The following ABHD3 variants were observed in gnomAD, a reference collection of about 807,000 sequenced individuals.
ABHD3 encodes the protein phospholipase ABHD3.
In ABHD3, 46 loss-of-function variants were observed where a neutral mutation model predicts 48.8. The ratio of observed to expected loss-of-function variants is 0.94; its 90% CI spans 0.74 to 1.20. The LOEUF is 1.20. ABHD3 is among the 50% of genes most tolerant of loss of function. The pLI is 0.00. For missense variants in ABHD3, 490 were observed against 497.8 expected, an observed-to-expected ratio of 0.98 and a Z score of 0.15; for synonymous variants, 192 against 183.7, an observed-to-expected ratio of 1.04 and a Z score of -0.36.
intron 3 of ABHD3, 43 bp downstream of exon 3, chr18:21,702,273 T>C (rs970623946): frequency 2.1e-6 from 3 of 1,444,630 alleles, no homozygotes; most frequent in Non-Finnish European, 2.8e-6. Flanking sequence ...TGTACTTCAT[T>C]TGGAATGGAT....
rs372196208 is a variant in ABHD3, at chr18:21,691,666, C to T, written c.510-7701G>A. 3.2e-4 allele frequency among the ~76,000 whole-genome samples: 49 copies of T among 152,102 alleles called. No individual in the cohort carries two copies. In the South Asian group the frequency reaches 9.2e-3, roughly 28 times the overall value. On this transcript the variant is annotated intron_variant, in intron 3 of 8. Transcript: ENST00000289119. The stretch of plus-strand genomic sequence containing the variant: ...ATAATTCAGGAACCTCATTATCTCC[C>T]GTTTCAACTCTTTCCCTATAAAATC...
At chr18:21,658,468 A>T (rs1210789347) in intron 6 of ABHD3, among the ~76,000 whole-genome samples, 3 of 152,152 alleles carry the variant, frequency 2.0e-5, no homozygotes, top group Admixed American at 6.6e-5. Flanking sequence ...AAATCCAGGG[A>T]AACAGCCCAT....
At chr18:21,680,053 G>A (rs374164224) in intron 4 of ABHD3, among the ~76,000 whole-genome samples, 5 of 151,920 alleles carry the variant, frequency 3.3e-5, no homozygotes, top group South Asian at 2.1e-4. Context: ...TTGCTCTGTC[G>A]TCCAGGCTGG....
At chr18:21,668,217 A>AAAAAAAAAAAG (rs1370034550) in intron 4 of ABHD3, among the ~76,000 whole-genome samples, 28 of 137,640 alleles carry the variant, frequency 2.0e-4, no homozygotes, top group Non-Finnish European at 2.8e-4. Context: ...AAAAAAAAAA[A>AAAAAAAAAAAG]AAAGAAAGAA....
At position 21,659,251 on chromosome 18, in the gene ABHD3, C is replaced by T; in HGVS notation, c.761G>A (p.Cys254Tyr). 1.9e-6 allele frequency: 3 copies of T among 1,613,980 alleles called. No homozygotes were observed. Among genetic ancestry groups the T allele is most frequent in the Non-Finnish European group, 2.5e-6 (3 of 1,179,964 alleles). ...TFSVGWNTFA[C>Y]SESLEKPLNW... ...CAGTGGTTTTTCCAATGACTCTGAG[C>T]AAGCGAAGGTGTTCCAACCAACGGA... The change falls in exon 6 of 9, where the codon TGC becomes TAC. Residue 254 changes from cysteine (C) to tyrosine (Y), a missense_variant. By Grantham distance (194) the Cys-to-Tyr change is radical (BLOSUM62 -2). Coordinates refer to ENST00000289119, the MANE Select transcript of ABHD3 (RefSeq NM_138340.5).
intron 4 of ABHD3, among the ~76,000 whole-genome samples, chr18:21,669,031 G>A (rs931576312): frequency 2.0e-5 from 3 of 151,966 alleles, no homozygotes; most frequent in Admixed American, 6.6e-5. Context: ...AGAGCACCCT[G>A]GGCAACACAG....
At chr18:21,698,846 G>A (rs981761207) in intron 3 of ABHD3, among the ~76,000 whole-genome samples, 1 of 152,198 alleles carries the variant, frequency 6.6e-6, no homozygotes, top group Non-Finnish European at 1.5e-5. Flanking sequence ...CTCCCAGACT[G>A]CTGGGATTAC....
chr18:21,674,552 T>G (rs1039328990), intron 4 of ABHD3, among the ~76,000 whole-genome samples: 1 of 152,162 alleles, frequency 6.6e-6, no homozygotes, highest in African/African-American at 2.4e-5. Context: ...CTGGTCACAA[T>G]CTTCTACGTT....
At chr18:21,680,306 G>A (rs1265777324) in intron 4 of ABHD3, among the ~76,000 whole-genome samples, 2 of 152,118 alleles carry the variant, frequency 1.3e-5, no homozygotes, top group African/African-American at 4.8e-5. Context: ...GTGAGTCACC[G>A]TGCCCAGTCT....
chr18:21,670,116 C>T (rs2039723333), intron 4 of ABHD3, among the ~76,000 whole-genome samples: 1 of 152,138 alleles, frequency 6.6e-6, no homozygotes, highest in Non-Finnish European at 1.5e-5. Flanking sequence ...TCCACCAATT[C>T]CCTTTTAGCC....
At chr18:21,691,808 A>G (rs1241695855) in intron 3 of ABHD3, among the ~76,000 whole-genome samples, 1 of 152,216 alleles carries the variant, frequency 6.6e-6, no homozygotes, top group Admixed American at 6.5e-5. Flanking sequence ...CAATCATGGG[A>G]TTGGAAGAGC....
At chr18:21,663,374 G>A (rs62090800) in intron 5 of ABHD3, among the ~76,000 whole-genome samples, 2,668 of 151,528 alleles carry the variant, frequency 0.018, 38 homozygotes, top group Non-Finnish European at 0.03. Context: ...AACTAGTTTT[G>A]GACAATGGCT....
At chr18:21,651,787 A>C in intron 8 of ABHD3, 24 bp from the exon 9 acceptor site, 1 of 1,503,062 alleles carries the variant, frequency 6.7e-7, no homozygotes, top group Non-Finnish European at 8.9e-7. Flanking sequence ...AAAACATGGC[A>C]ATAAGAGAGA....
At position 21,659,192 on chromosome 18, in the gene ABHD3, A is replaced by C; in HGVS notation, c.820T>G (p.Cys274Gly). 1 of 1,613,608 alleles carries C rather than the reference A, an allele frequency of 6.2e-7. No individual in the cohort carries two copies. The highest frequency in any genetic ancestry group is 8.5e-7 in the Non-Finnish European group (1 of 1,179,860). ...CACTTATTAACTGAAGACTGAAGGC[A>C]GGTTGTCAAATAGTAATTAAAAAGT... ...WLLFNYYLTT[C>G]LQSSVNKHRH... is the part of the protein sequence containing the mutation. Residue 274 changes from cysteine to glycine, a missense_variant, in exon 6 of 9, where the codon TGC becomes GGC. Physicochemically the swap from Cys to Gly is radical, Grantham distance 159. Coordinates refer to ENST00000289119, the MANE Select transcript of ABHD3 (RefSeq NM_138340.5).
rs1350532322 is a variant in ABHD3 at position 21,659,246 on chromosome 18, C to CT, written c.765dup (p.Glu256ArgfsTer13). On this transcript the variant is annotated frameshift_variant, in exon 6 of 9. Transcript: ENST00000289119. LOFTEE classifies it high-confidence loss of function. The stretch of plus-strand genomic sequence containing the variant: ...CAGTTCAGTGGTTTTTCCAATGACT[C>CT]TGAGCAAGCGAAGGTGTTCCAACCA... The CT allele has an allele frequency of 6.2e-7, 1 of 1,613,974 alleles. No individual in the cohort carries two copies. The highest frequency in any genetic ancestry group is 2.2e-5 in the East Asian group (1 of 44,866).
intron 5 of ABHD3, chr18:21,662,391 G>C (rs990461327): frequency 6.6e-6 from 1 of 152,240 alleles, no homozygotes; most frequent in African/African-American, 2.4e-5. Context: ...ACAGGCGTAA[G>C]TCACCACACC....
chr18:21,653,584 A>G (rs1192364474), intron 8 of ABHD3, among the ~76,000 whole-genome samples: 1 of 151,964 alleles, frequency 6.6e-6, no homozygotes, highest in Non-Finnish European at 1.5e-5. Context: ...AGATACTGCC[A>G]AATCTTATCT....
At chr18:21,697,627 C>T (rs9946215) in intron 3 of ABHD3, among the ~76,000 whole-genome samples, 26,787 of 152,164 alleles carry the variant, frequency 0.18, 2,482 homozygotes, top group Middle Eastern at 0.29. Flanking sequence ...GTGATCCACC[C>T]GCCTCGGCCT....
At chr18:21,653,658 G>T (rs998195956) in intron 8 of ABHD3, among the ~76,000 whole-genome samples, 8 of 151,182 alleles carry the variant, frequency 5.3e-5, no homozygotes, top group African/African-American at 1.7e-4. Context: ...TCAGCACTTT[G>T]GGGGGATCTC....
Sources: allele counts gnomAD v4.1 joint callset (sites outside exome capture counted in the v4.1 genomes callset), GRCh38; gene constraint gnomAD v4.1.1; transcripts MANE v1.5; gene names NCBI Gene and HGNC (gene_info 2026-07-23, HGNC 2026-07-21).